Variants in COLEC12 observed in about 807,000 individuals in gnomAD.
COLEC12 encodes collectin-12.
Under a neutral mutation model 71.1 loss-of-function variants are expected in COLEC12, and 33 were observed. That is an observed-to-expected ratio of 0.46 (90% CI 0.35 to 0.62). The LOEUF is 0.62. Among genes scored for constraint, COLEC12 ranks in the 20% least tolerant of loss-of-function variants. The probability of loss-of-function intolerance (pLI) is 0.00; values close to 1 mark genes in which losing one functional copy is unlikely to be tolerated. For synonymous variants in COLEC12, 350 were observed against 353.0 expected, an observed-to-expected ratio of 0.99 and a Z score of 0.10; for missense variants, 765 against 916.1, an observed-to-expected ratio of 0.84 and a Z score of 2.13.
intron 2 of COLEC12, among the ~76,000 whole-genome samples, chr18:470,141 C>G (rs936490652): frequency 7.3e-5 from 11 of 150,836 alleles, no homozygotes; most frequent in Non-Finnish European, 1.6e-4. Context: ...TATTTTTTAT[C>G]AGGCAGGGTG....
intron 3 of COLEC12, among the ~76,000 whole-genome samples, chr18:354,920 T>G (rs1281151473): frequency 6.6e-6 from 1 of 152,030 alleles, no homozygotes; most frequent in African/African-American, 2.4e-5. Context: ...TCCAAAACAT[T>G]AGGTTTCCAG....
chr18:404,332 T>C (rs1192965592), intron 2 of COLEC12, among the ~76,000 whole-genome samples: 1 of 152,228 alleles, frequency 6.6e-6, no homozygotes, highest in African/African-American at 2.4e-5. Flanking sequence ...GAACTAAAAT[T>C]TACTTGAAAA....
At chr18:393,396 AG>A (rs1915504008) in intron 2 of COLEC12, among the ~76,000 whole-genome samples, 1 of 97,700 alleles carries the variant, frequency 1.0e-5, no homozygotes, top group Non-Finnish European at 2.6e-5. Context: ...TTTGGTATCT[AG>A]GGAGCTCGGA....
intron 2 of COLEC12, among the ~76,000 whole-genome samples, chr18:470,728 T>A (rs1239280035): frequency 6.6e-6 from 1 of 152,194 alleles, no homozygotes; most frequent in Non-Finnish European, 1.5e-5. Flanking sequence ...GAACTCTAGC[T>A]TGAGTGACAG....
chr18:348,636 T>G (rs969257871), intron 3 of COLEC12, among the ~76,000 whole-genome samples: 2 of 152,190 alleles, frequency 1.3e-5, no homozygotes, highest in African/African-American at 4.8e-5. Flanking sequence ...CTCAATTCTA[T>G]ACACAAAATC....
chr18:430,758 T>C (rs1916287413), intron 2 of COLEC12, among the ~76,000 whole-genome samples: 2 of 152,172 alleles, frequency 1.3e-5, no homozygotes, highest in South Asian at 2.1e-4. Context: ...AACCATTTAA[T>C]GTAAAGCCAT....
rs753261571 is a variant in COLEC12 at position 332,996 on chromosome 18, G to A, written c.1953+11C>T. ...TATAGTTTTCCCCAACCAAGTATGT[G>A]GCAGGCATACCTGTTCCTCTCTAGT... On this transcript the variant is annotated intron_variant, in intron 7 of 9. Transcript: ENST00000400256. 3.9e-6 allele frequency: 6 copies of A among 1,552,184 alleles called. No homozygotes were observed. The highest frequency in any genetic ancestry group is 5.2e-6 in the Non-Finnish European group (6 of 1,153,020).
chr18:482,647 T>C (rs187097116), intron 1 of COLEC12, among the ~76,000 whole-genome samples: 2,271 of 152,128 alleles, frequency 0.015, 54 homozygotes, highest in Non-Finnish European at 0.016. Context: ...ATTTTGTTCT[T>C]GTCGCCCAGG....
At chr18:448,677 G>A (rs1464626190) in intron 2 of COLEC12, among the ~76,000 whole-genome samples, 2 of 152,166 alleles carry the variant, frequency 1.3e-5, no homozygotes, top group Non-Finnish European at 2.9e-5. Context: ...CAATTAGGTT[G>A]TCAGTGGACA....
rs773546651 is a variant in COLEC12 at position 334,818 on chromosome 18, G to A, written c.1740C>T (p.Pro580=). Residue 580 remains proline (P), a synonymous_variant, in exon 6 of 10, where the codon CCC becomes CCT. Transcript: ENST00000400256. ...CCGCTCCTGATGGGCCAGGAGGGCCGGGGGGGCCCTTGGGGCCTGGCATGC... is the reference window on the plus strand; with the variant it reads ...CCGCTCCTGATGGGCCAGGAGGGCCAGGGGGGCCCTTGGGGCCTGGCATGC... ...VPGMPGPKGP[P]GPPGPSGAVV... The A allele has an allele frequency of 5.2e-5, 78 of 1,506,740 alleles. No homozygotes were observed. Among genetic ancestry groups the A allele is most frequent in the South Asian group, 9.1e-5 (7 of 76,564 alleles). The allele number at this position is 1,506,740 out of a possible 1,614,324, so 93.3% of individuals were successfully genotyped here.
chr18:337,021 C>CTT lies in COLEC12; in HGVS notation c.1328-1793_1328-1792dup, dbSNP rs71363208. On this transcript the variant is annotated intron_variant, in intron 5 of 9. Transcript: ENST00000400256. ...CTAGAGGCTTGTGCCACATTGCCTG[C>CTT]TTTTTTTTTTTTTAATTTTTAATGT... Among the ~76,000 whole-genome samples, 5 of 145,008 alleles carry CTT rather than the reference C, an allele frequency of 3.4e-5. No homozygotes were observed. The South Asian group carries it at 8.9e-4, about 26-fold the overall frequency.
chr18:401,074 A>G (rs1273354465), intron 2 of COLEC12, among the ~76,000 whole-genome samples: 4 of 152,172 alleles, frequency 2.6e-5, no homozygotes, highest in Admixed American at 6.5e-5. Flanking sequence ...ACTTATCCAC[A>G]TGGAAACACC....
intron 1 of COLEC12, among the ~76,000 whole-genome samples, chr18:497,383 GGT>G (rs10689788): frequency 0.034 from 4,953 of 147,082 alleles, 83 homozygotes; most frequent in South Asian, 0.061. Context: ...TAAAGAATGG[GGT>G]GTGTGTGTGT....
At chr18:456,964 G>A (rs772335603) in intron 2 of COLEC12, among the ~76,000 whole-genome samples, 2 of 152,136 alleles carry the variant, frequency 1.3e-5, no homozygotes, top group African/African-American at 2.4e-5. Flanking sequence ...CCCACTTCTC[G>A]GCTCGCAGGT....
intron 2 of COLEC12, among the ~76,000 whole-genome samples, chr18:382,237 T>C (rs1915248403): frequency 1.3e-5 from 2 of 152,328 alleles, no homozygotes; most frequent in South Asian, 4.1e-4. Flanking sequence ...TGCCTAATAA[T>C]TCACCCTTCC....
chr18:335,776 T>C (rs1477296440), intron 5 of COLEC12, among the ~76,000 whole-genome samples: 1 of 152,232 alleles, frequency 6.6e-6, no homozygotes, highest in Non-Finnish European at 1.5e-5. Context: ...CAAGCCAATA[T>C]ACTGTGTGTT....
At chr18:368,575 C>G (rs373573007) in intron 2 of COLEC12, among the ~76,000 whole-genome samples, 2 of 151,578 alleles carry the variant, frequency 1.3e-5, no homozygotes, top group Non-Finnish European at 2.9e-5. Flanking sequence ...CTGTCAAAAA[C>G]AAAACAAGGC....
In COLEC12 at chr18:408,944, T is replaced by C. The variant is rs981437568; in HGVS notation, c.59-51422A>G. ...ACCTCTGGGGTTCAAGTGATTCTCA[T>C]GCCTCAGACTCCTGAGTAGCTGGTA... On this transcript the variant is annotated intron_variant, in intron 2 of 9. Coordinates refer to ENST00000400256, the MANE Select transcript of COLEC12 (RefSeq NM_130386.3). The surrounding 1 kb of genome is among the most constrained non-coding windows in gnomAD (Gnocchi z 4.3). 5.9e-5 allele frequency among the ~76,000 whole-genome samples: 9 copies of C among 152,186 alleles called. No individual in the cohort carries two copies. The highest frequency in any genetic ancestry group is 9.7e-5 in the African/African-American group (4 of 41,450).
chr18:356,519 G>A (rs1318214820), intron 3 of COLEC12, among the ~76,000 whole-genome samples: 1 of 152,176 alleles, frequency 6.6e-6, no homozygotes, highest in Non-Finnish European at 1.5e-5. Flanking sequence ...TGACCAGTTG[G>A]AGGGAATTCA....
Sources: allele counts gnomAD v4.1 joint callset (sites outside exome capture counted in the v4.1 genomes callset), GRCh38; gene constraint gnomAD v4.1.1; non-coding constraint Gnocchi (gnomAD v3.1); transcripts MANE v1.5; gene names NCBI Gene and HGNC (gene_info 2026-07-23, HGNC 2026-07-21).